GRM6: variants seen among roughly 807,000 people sequenced by gnomAD.
GRM6 encodes glutamate metabotropic receptor 6.
Under a neutral mutation model 78.4 loss-of-function variants are expected in GRM6, and 73 were observed. The observed-to-expected ratio is 0.93, with a 90% CI of 0.77 to 1.13. GRM6 has a LOEUF of 1.13. GRM6 is among the 50% of genes most tolerant of loss of function. The probability of loss-of-function intolerance (pLI) is 0.00; values close to 1 mark genes in which losing one functional copy is unlikely to be tolerated. For synonymous variants in GRM6, 580 were observed against 555.0 expected (o/e 1.05, Z -0.63); for missense variants, 1,251 against 1,256.4 (o/e 1.00, Z 0.07).
chr5:178,982,248 A>G (rs1760409836), intron 10 of GRM6, among the ~76,000 whole-genome samples: 1 of 152,234 alleles, frequency 6.6e-6, no homozygotes, highest in Non-Finnish European at 1.5e-5. Context: ...TAAATGATGC[A>G]GCAATGGGCT....
intron 6 of GRM6, 45 bp downstream of exon 6, chr5:178,989,220 A>ATG: frequency 4.9e-6 from 4 of 817,262 alleles, no homozygotes; most frequent in Non-Finnish European, 7.1e-6. Flanking sequence ...CACCCTCACC[A>ATG]CCCTCCCCAC....
chr5:178,994,509 C>A lies in GRM6; in HGVS notation c.436G>T (p.Val146Leu). 7.0e-7 allele frequency: 1 copy of A among 1,426,264 alleles called. No individual in the cohort carries two copies. Among genetic ancestry groups the A allele is most frequent in the Non-Finnish European group, 9.1e-7 (1 of 1,094,704 alleles). 88.4% of individuals were successfully genotyped at this position (1,426,264 alleles called of 1,614,324 possible). Residue 146 changes from valine (V) to leucine (L), a missense_variant, in exon 2 of 11, where the codon GTG (valine) becomes TTG (leucine). Coordinates refer to ENST00000517717, the MANE Select transcript of GRM6 (RefSeq NM_000843.4). Reference protein sequence around the residue: ...PLRPAPPERVVAVVGASASSV... With the variant: ...PLRPAPPERVLAVVGASASSV... ...CTGGCCGAGGCGCCCACGACGGCCACGACGCGCTCGGGGGGCGCGGGGCGC... is the reference window on the plus strand; with the variant it reads ...CTGGCCGAGGCGCCCACGACGGCCAAGACGCGCTCGGGGGGCGCGGGGCGC...
chr5:178,995,068 C>CCCCGA, intron 1 of GRM6, 108 bp from the exon 2 acceptor site: 5 of 540,036 alleles, frequency 9.3e-6, no homozygotes, highest in South Asian at 8.5e-5. Context: ...GCGCTCGGGG[C>CCCCGA]GCGCCTTCCA....
Position 178,982,926 on chromosome 5 carries a change from G to T in GRM6, c.2420C>A (p.Ala807Asp). 1 of 1,613,402 alleles carries T rather than the reference G, an allele frequency of 6.2e-7. No homozygotes were observed. Among genetic ancestry groups the T allele is most frequent in the South Asian group, 1.1e-5 (1 of 91,074 alleles). ...CCTCATTACCTTTTCAGCTGACTGG[G>T]CAGTGCCAAAGAAGATGGGCACGAA... ...LAFVPIFFGT[A>D]QSAEKIYIQT... The change falls in exon 10 of 11, where the codon GCC (alanine) becomes GAC (aspartate). Residue 807 changes from alanine to aspartate, a missense_variant. Ala to Asp is a moderately radical substitution (Grantham distance 126). Transcript: ENST00000517717.
At position 178,984,442 on chromosome 5, in the gene GRM6, C is replaced by T. The variant is rs150075678; in HGVS notation, c.2125-1221G>A. ...CACAGTGAGATGCCATTTTGCAGCC[C>T]GTCATGACGTGGTAGTCATGGCAAA... On this transcript the variant is annotated intron_variant, in intron 9 of 10. Coordinates refer to ENST00000517717, the MANE Select transcript of GRM6 (RefSeq NM_000843.4). 2.0e-3 allele frequency among the ~76,000 whole-genome samples: 309 copies of T among 152,330 alleles called. 1 individual carries two copies. The highest frequency in any genetic ancestry group is 6.7e-3 in the African/African-American group (280 of 41,580).
intron 4 of GRM6, among the ~76,000 whole-genome samples, chr5:178,990,948 C>G (rs1441598080): frequency 1.3e-5 from 2 of 152,198 alleles, no homozygotes; most frequent in Admixed American, 1.3e-4. Flanking sequence ...GCTCTGCCCA[C>G]TGTAACCCAC....
Position 178,991,433 on chromosome 5 carries a change from T to C in GRM6, c.848A>G (p.Asp283Gly). Residue 283 changes from aspartate (D) to glycine (G), a missense_variant, in exon 4 of 11, where the codon GAT becomes GGT. Coordinates refer to ENST00000517717, the MANE Select transcript of GRM6 (RefSeq NM_000843.4). The surrounding 1 kb of genome is among the most constrained non-coding windows in gnomAD (Gnocchi z 5.0). Reference protein sequence around the residue: ...ARGIIIFANEDDIRRVLEAAR... With the variant: ...ARGIIIFANEGDIRRVLEAAR... Reference sequence around the variant, plus strand: ...TGTGCCACTGTCCCACCTGATGTCATCCTCATTGGCAAAGATGATGATGCC... The same window carrying C: ...TGTGCCACTGTCCCACCTGATGTCACCCTCATTGGCAAAGATGATGATGCC... 1 of 1,613,902 alleles carries C rather than the reference T, an allele frequency of 6.2e-7. No individual in the cohort carries two copies. Among genetic ancestry groups the C allele is most frequent in the Non-Finnish European group, 8.5e-7 (1 of 1,179,910 alleles).
Position 178,994,541 on chromosome 5 carries a change from G to T in GRM6, c.404C>A (p.Pro135His), listed in dbSNP as rs1034464770. The T allele has an allele frequency of 3.6e-6, 5 of 1,371,134 alleles. No homozygotes were observed. The highest frequency in any genetic ancestry group is 4.7e-6 in the Non-Finnish European group (5 of 1,069,118). The allele number at this position is 1,371,134 out of a possible 1,614,324, so 84.9% of individuals were successfully genotyped here. Residue 135 changes from proline (P) to histidine (H), a missense_variant, in exon 2 of 11, where the codon CCT becomes CAT. Transcript: ENST00000517717. ...CTCGGGGGGCGCGGGGCGCAGCGGA[G>T]GGACGCCTCCCGGGCAGCGCACGCC... Reference protein sequence around the residue: ...EVGVRCPGGVPPLRPAPPERV... With the variant: ...EVGVRCPGGVHPLRPAPPERV...
chr5:178,987,125 G>A, intron 7 of GRM6, 142 bp from the exon 8 acceptor site: 1 of 839,808 alleles, frequency 1.2e-6, no homozygotes, highest in Non-Finnish European at 2.0e-6. Flanking sequence ...CAAGCCGCAG[G>A]GAGATCCCCC....
At chr5:178,985,528 C>T (rs1349517194) in intron 9 of GRM6, 45 of 338,678 alleles carry the variant, frequency 1.3e-4, no homozygotes, top group Middle Eastern at 2.2e-3. Context: ...ACGGTGAAGC[C>T]CTGTCTCTAC....
chr5:178,994,385 C>T, intron 2 of GRM6, 56 bp downstream of exon 2: 3 of 1,430,508 alleles, frequency 2.1e-6, no homozygotes, highest in Non-Finnish European at 1.8e-6. Flanking sequence ...TGGGCCACCC[C>T]AGGGCGAGGA....
At chr5:178,983,335 G>T in intron 9 of GRM6, 114 bp from the exon 10 acceptor site, 2 of 902,614 alleles carry the variant, frequency 2.2e-6, no homozygotes, top group Non-Finnish European at 3.5e-6. Flanking sequence ...CTATGGAGGG[G>T]ATGCTCCACC....
In GRM6 at chr5:178,991,755, C is replaced by A; in HGVS notation, c.721+112G>T. 1 of 1,152,576 alleles carries A rather than the reference C, an allele frequency of 8.7e-7. No homozygotes were observed. The allele number at this position is 1,152,576 out of a possible 1,614,324, so 71.4% of individuals were successfully genotyped here. On this transcript the variant is annotated intron_variant, in intron 3 of 10. Transcript: ENST00000517717. This position sits in a 1 kb window ranked among gnomAD's most constrained non-coding sequence, Gnocchi z 5.0. ...CCGCCCACATGGAGCACCAGCCAGG[C>A]AACCTCGGCCCAGCATGGACCTGGG... is the stretch of plus-strand genomic sequence containing the variant.
Position 178,994,645 on chromosome 5 carries a change from C to T in GRM6, c.300G>A (p.Ser100=). 2 of 1,462,374 alleles carry T rather than the reference C, an allele frequency of 1.4e-6. No homozygotes were observed. Among genetic ancestry groups the T allele is most frequent in the African/African-American group, 1.5e-5 (1 of 68,080 alleles). The allele number at this position is 1,462,374 out of a possible 1,614,324, so 90.6% of individuals were successfully genotyped here. A position where few individuals can be genotyped will look rare whatever the true frequency, so the allele number is the denominator to read the frequency against. ...RLGARLLDTC[S]RDTYALEQAL... ...CCTGCTCCAGCGCGTAGGTGTCCCG[C>T]GAGCAGGTGTCCAGCAGCCGCGCGC... Residue 100 remains serine, a synonymous_variant, in exon 2 of 11, where the codon TCG becomes TCA. Transcript: ENST00000517717.
At chr5:178,995,239 C>G in intron 1 of GRM6, 37 bp downstream of exon 1, 1 of 162,302 alleles carries the variant, frequency 6.2e-6, no homozygotes, top group Non-Finnish European at 1.3e-5. Context: ...GGGTCCATCC[C>G]CAGCGCACAC....
Position 178,989,162 on chromosome 5 carries a change from G to A in GRM6, c.1154-27C>T, listed in dbSNP as rs767740187. ...TGTCCTAGGGATGCCCAGAGAAAGT[G>A]TGCCCGGCCCCCATGCACCGAACCC... On this transcript the variant is annotated intron_variant, in intron 6 of 10. Coordinates refer to ENST00000517717, the MANE Select transcript of GRM6 (RefSeq NM_000843.4). The A allele has an allele frequency of 3.1e-6, 5 of 1,609,810 alleles. No homozygotes were observed. In the South Asian group the frequency reaches 3.3e-5, roughly 11 times the overall value.
Position 178,992,199 on chromosome 5 carries a change from G to C in GRM6, c.505-116C>G. 1.3e-6 allele frequency: 1 copy of C among 746,124 alleles called. No homozygotes were observed. Among genetic ancestry groups the C allele is most frequent in the Admixed American group, 2.0e-5 (1 of 49,852 alleles). The allele number at this position is 746,124 out of a possible 1,614,324, so 46.2% of individuals were successfully genotyped here. A position where few individuals can be genotyped will look rare whatever the true frequency, so the allele number is the denominator to read the frequency against. On this transcript the variant is annotated intron_variant, in intron 2 of 10. Coordinates refer to ENST00000517717, the MANE Select transcript of GRM6 (RefSeq NM_000843.4). The surrounding 1 kb of genome is among the most constrained non-coding windows in gnomAD (Gnocchi z 4.9). ...CAGAAGGTGTGTGGCATGGACCTGGGACACAGATGGGAGATGGAAGGGTTG... is the reference window on the plus strand; with the variant it reads ...CAGAAGGTGTGTGGCATGGACCTGGCACACAGATGGGAGATGGAAGGGTTG...
rs1323585686 is a variant in GRM6 at position 178,979,267 on chromosome 5, T to C, written c.*2390A>G. On this transcript the variant is annotated 3_prime_UTR_variant, in exon 11 of 11. Coordinates refer to ENST00000517717, the MANE Select transcript of GRM6 (RefSeq NM_000843.4). ...AAAATAAAATAATAACATAAAGAAA[T>C]GATCACAGGCAGAAACTGTATGCAC... 6.6e-6 allele frequency: 1 copy of C among 152,064 alleles called. No homozygotes were observed. The highest frequency in any genetic ancestry group is 2.4e-5 in the African/African-American group (1 of 41,380). 9.4% of individuals were successfully genotyped at this position (152,064 alleles called of 1,614,324 possible).
In GRM6 at chr5:178,981,731, G is replaced by A. The variant is rs753571357; in HGVS notation, c.2560C>T (p.Arg854Ter). ...GAGGTGGCCTTGAGGCTCCGCTTTC[G>A]CTTCTGCACATTCTGCTCTGGATGG... is the stretch of plus-strand genomic sequence containing the variant. The part of the protein sequence containing the change: ...LFHPEQNVQK[R>*]KRSLKATSTV... Residue 854 changes from arginine to a stop codon, truncating the protein, a stop_gained, in exon 11 of 11, where the codon CGA becomes TGA. Coordinates refer to ENST00000517717, the MANE Select transcript of GRM6 (RefSeq NM_000843.4). LOFTEE classifies it high-confidence loss of function. The surrounding 1 kb of genome is among the most constrained non-coding windows in gnomAD (Gnocchi z 5.1). 2.4e-5 allele frequency: 39 copies of A among 1,613,896 alleles called. No homozygotes were observed. The highest frequency in any genetic ancestry group is 3.2e-5 in the Non-Finnish European group (38 of 1,179,878).
Sources: allele counts gnomAD v4.1 joint callset (sites outside exome capture counted in the v4.1 genomes callset), GRCh38; gene constraint gnomAD v4.1.1; non-coding constraint Gnocchi (gnomAD v3.1); transcripts MANE v1.5; gene names NCBI Gene and HGNC (gene_info 2026-07-23, HGNC 2026-07-21).